The following GRID1 variants were observed in gnomAD, a reference collection of about 807,000 sequenced individuals.
GRID1 encodes the protein glutamate receptor ionotropic, delta-1.
In GRID1, 28 loss-of-function variants were observed where a neutral mutation model predicts 98.0. That is an observed-to-expected ratio of 0.29 (90% CI 0.21 to 0.39). GRID1 has a LOEUF of 0.39. Among genes scored for constraint, GRID1 ranks in the 10% least tolerant of loss-of-function variants. The pLI, the probability that GRID1 is intolerant of heterozygous loss-of-function variation, is 1.00. For missense variants in GRID1, 1,111 were observed against 1,340.5 expected (o/e 0.83, Z 2.67); for synonymous variants, 553 against 538.5 (o/e 1.03, Z -0.37).
intron 8 of GRID1, among the ~76,000 whole-genome samples, chr10:85,773,649 C>A (rs1415967658): frequency 6.6e-6 from 1 of 152,116 alleles, no homozygotes; most frequent in Non-Finnish European, 1.5e-5. Context: ...AATCAATGTA[C>A]AAAAATCACA....
intron 8 of GRID1, among the ~76,000 whole-genome samples, chr10:85,835,419 C>G (rs1158570235): frequency 1.3e-5 from 2 of 152,136 alleles, no homozygotes; most frequent in African/African-American, 4.8e-5. Flanking sequence ...GGCAATTTCC[C>G]CATACTGTTC....
intron 4 of GRID1, among the ~76,000 whole-genome samples, chr10:86,073,409 G>A (rs1048804185): frequency 2.6e-5 from 4 of 152,326 alleles, no homozygotes; most frequent in Middle Eastern, 3.4e-3. Context: ...AGTAGCCATC[G>A]CACAGAAGCC....
chr10:85,975,915 A>T (rs1464450056), intron 4 of GRID1, among the ~76,000 whole-genome samples: 3 of 152,162 alleles, frequency 2.0e-5, no homozygotes, highest in Non-Finnish European at 2.9e-5. Context: ...TTTCCTTATT[A>T]TTCTTCCAAA....
Position 85,847,826 on chromosome 10 carries a change from A to G in GRID1, c.1233+6670T>C, listed in dbSNP as rs190901042. 2.6e-3 allele frequency among the ~76,000 whole-genome samples: 393 copies of G among 152,314 alleles called. 2 individuals are homozygous for G. The highest frequency in any genetic ancestry group is 9.1e-3 in the African/African-American group (380 of 41,582). On this transcript the variant is annotated intron_variant, in intron 8 of 15. Coordinates refer to ENST00000327946, the MANE Select transcript of GRID1 (RefSeq NM_017551.3). Reference sequence around the variant, plus strand: ...AAAACACAAATATAAGAAAATGCAAATGAATAATCTAATTATTTGACCACA... The same window carrying G: ...AAAACACAAATATAAGAAAATGCAAGTGAATAATCTAATTATTTGACCACA...
At chr10:86,128,862 T>C (rs572341673) in intron 4 of GRID1, among the ~76,000 whole-genome samples, 8 of 152,206 alleles carry the variant, frequency 5.3e-5, no homozygotes, top group South Asian at 2.1e-4. Context: ...TGGGTACCCA[T>C]ACCCATGTCA....
chr10:86,276,253 T>C (rs11201961), intron 2 of GRID1, among the ~76,000 whole-genome samples: 9,493 of 152,270 alleles, frequency 0.062, 519 homozygotes, highest in African/African-American at 0.15. Flanking sequence ...GATTGCCATC[T>C]TCTCCCTATG....
At chr10:85,838,973 G>GA (rs764020109) in intron 8 of GRID1, among the ~76,000 whole-genome samples, 1 of 151,910 alleles carries the variant, frequency 6.6e-6, no homozygotes, top group Admixed American at 6.6e-5. Context: ...ATGGGAAACA[G>GA]AAAAAAGCAG....
At chr10:86,136,237 C>T (rs1029631611) in intron 4 of GRID1, among the ~76,000 whole-genome samples, 4 of 152,190 alleles carry the variant, frequency 2.6e-5, no homozygotes, top group Non-Finnish European at 1.5e-5. Context: ...AGTCAGATAG[C>T]TCATGTTTAC....
At chr10:86,058,937 G>A (rs924500727) in intron 4 of GRID1, among the ~76,000 whole-genome samples, 23 of 152,216 alleles carry the variant, frequency 1.5e-4, no homozygotes, top group Non-Finnish European at 3.1e-4. Context: ...AGGAAGAACA[G>A]GTACTGGGCC....
intron 8 of GRID1, among the ~76,000 whole-genome samples, chr10:85,748,744 T>C (rs1191735342): frequency 2.0e-5 from 3 of 152,184 alleles, no homozygotes; most frequent in African/African-American, 7.2e-5. Flanking sequence ...AGCTCCAGAC[T>C]GAAATGGCCA....
intron 8 of GRID1, among the ~76,000 whole-genome samples, chr10:85,741,977 G>A (rs145118062): frequency 6.6e-6 from 1 of 152,160 alleles, no homozygotes; most frequent in South Asian, 2.1e-4. Flanking sequence ...GGTCTTGCCT[G>A]ATGAGGTTTA....
At chr10:85,854,698 G>T (rs998345783) in intron 7 of GRID1, 83 bp from the exon 8 acceptor site, 113 of 1,428,674 alleles carry the variant, frequency 7.9e-5, no homozygotes, top group Non-Finnish European at 1.8e-5. Context: ...GCAAGGAAGT[G>T]GTCACCAAGA....
At chr10:85,876,468 T>A (rs1461600885) in intron 5 of GRID1, among the ~76,000 whole-genome samples, 2 of 152,172 alleles carry the variant, frequency 1.3e-5, no homozygotes, top group Non-Finnish European at 2.9e-5. Context: ...TAACCCAAGA[T>A]AATCGCCCCA....
intron 4 of GRID1, among the ~76,000 whole-genome samples, chr10:86,045,352 T>C (rs918654685): frequency 6.6e-6 from 1 of 152,176 alleles, no homozygotes; most frequent in Non-Finnish European, 1.5e-5. Context: ...GGTGACCACA[T>C]CTACACATGC....
At chr10:85,937,578 G>C (rs1028813770) in intron 4 of GRID1, among the ~76,000 whole-genome samples, 8 of 152,144 alleles carry the variant, frequency 5.3e-5, no homozygotes, top group Non-Finnish European at 1.0e-4. Flanking sequence ...GCTCTTGAGG[G>C]TCTCCCCTCT....
At chr10:85,841,578 C>T (rs904033758) in intron 8 of GRID1, among the ~76,000 whole-genome samples, 1 of 152,096 alleles carries the variant, frequency 6.6e-6, no homozygotes, top group African/African-American at 2.4e-5. Context: ...TTTTTGCAAA[C>T]TATGCATCTC....
Position 86,211,655 on chromosome 10 carries a change from G to A in GRID1, c.236-5007C>T, listed in dbSNP as rs114243996. Among the ~76,000 whole-genome samples the A allele has an allele frequency of 8.5e-3, 1,291 of 152,062 alleles. 15 individuals carry two copies. Among genetic ancestry groups the A allele is most frequent in the Middle Eastern group, 0.031 (9 of 292 alleles). On this transcript the variant is annotated intron_variant, in intron 2 of 15. Coordinates refer to ENST00000327946, the MANE Select transcript of GRID1 (RefSeq NM_017551.3). The stretch of plus-strand genomic sequence containing the variant: ...CAGGTGAGGTACTGGCCACTTCACA[G>A]AACAAACTCTCAGTAACTCTCACCC...
intron 4 of GRID1, among the ~76,000 whole-genome samples, chr10:86,117,432 C>T (rs889598454): frequency 4.6e-5 from 7 of 151,738 alleles, no homozygotes; most frequent in African/African-American, 1.7e-4. Context: ...ACCACCAATA[C>T]AAACACCATC....
rs2132497181 is a variant in GRID1 at position 85,601,000 on chromosome 10, G to C, written c.*1273C>G. 1 of 152,450 alleles carries C rather than the reference G, an allele frequency of 6.6e-6. No individual in the cohort carries two copies. 9.4% of individuals were successfully genotyped at this position (152,450 alleles called of 1,614,324 possible). On this transcript the variant is annotated 3_prime_UTR_variant, in exon 16 of 16. Transcript: ENST00000327946. ...TGGAGCCAGCCCTGTTTGTTGGACT[G>C]CCTGCAGGATTTATGACCCAGAGAT...
Sources: gnomAD v4.1 joint callset for allele counts (sites outside exome capture counted in the v4.1 genomes callset) on GRCh38, gnomAD v4.1.1 for gene constraint, MANE v1.5 for transcripts, NCBI Gene and HGNC (gene_info 2026-07-23, HGNC 2026-07-21) for gene names.